The following SETD5 variants were observed in gnomAD, a reference collection of about 807,000 sequenced individuals.
SETD5 encodes histone-lysine N-methyltransferase SETD5.
Under a neutral mutation model 153.3 loss-of-function variants are expected in SETD5, and 44 were observed. The ratio of observed to expected loss-of-function variants is 0.29; its 90% CI spans 0.23 to 0.37. SETD5 has a LOEUF of 0.37. Ranked by LOEUF, SETD5 falls within the 10% of genes least tolerant of loss-of-function variation. The pLI, the probability that SETD5 is intolerant of heterozygous loss-of-function variation, is 1.00. For synonymous variants in SETD5, 716 were observed against 645.2 expected (o/e 1.11, Z -1.66); for missense variants, 1,544 against 1,768.0 (o/e 0.87, Z 2.27).
chr3:9,448,592 C>T lies in SETD5; in HGVS notation c.2308C>T (p.Pro770Ser), dbSNP rs2042274715. Residue 770 changes from proline to serine, a missense_variant, in exon 16 of 23, where the codon CCC becomes TCC. Pro to Ser is a moderately conservative substitution (Grantham distance 74). Transcript: ENST00000402198. Reference sequence around the variant, plus strand: ...CTTTATCCCTGAGAGACGTCGAAGGCCCCTTCTGCCTGATGGCACATTCAG... The same window carrying T: ...CTTTATCCCTGAGAGACGTCGAAGGTCCCTTCTGCCTGATGGCACATTCAG... ...SPFIPERRRRPLLPDGTFSSC... is the reference protein window; with the variant it reads ...SPFIPERRRRSLLPDGTFSSC... 6.2e-7 allele frequency: 1 copy of T among 1,606,420 alleles called. No individual in the cohort carries two copies. The highest frequency in any genetic ancestry group is 8.5e-7 in the Non-Finnish European group (1 of 1,174,944).
intron 1 of SETD5, among the ~76,000 whole-genome samples, chr3:9,411,103 G>A (rs2036508477): frequency 1.3e-5 from 2 of 151,840 alleles, no homozygotes; most frequent in African/African-American, 2.4e-5. Context: ...TGTTCAGGCT[G>A]GTCTTGAACT....
intron 16 of SETD5, among the ~76,000 whole-genome samples, chr3:9,453,287 A>G (rs2042841281): frequency 6.6e-6 from 1 of 152,246 alleles, no homozygotes; most frequent in African/African-American, 2.4e-5. Flanking sequence ...CTTCCAATGA[A>G]TCTTTTTTAT....
Position 9,441,617 on chromosome 3 carries a change from G to T in SETD5, c.835G>T (p.Val279Phe), listed in dbSNP as rs770282824. 6.2e-7 allele frequency: 1 copy of T among 1,613,972 alleles called. No homozygotes were observed. Among genetic ancestry groups the T allele is most frequent in the Non-Finnish European group, 8.5e-7 (1 of 1,179,850 alleles). ...GTTACAGCTGGGAAGAGTCACTCGT[G>T]TTCAAAAGCACCGGAAGATCCTGAG... The part of the protein sequence containing the change: ...MQLQLGRVTR[V>F]QKHRKILRAA... Residue 279 changes from valine (V) to phenylalanine (F), a missense_variant, in exon 9 of 23, where the codon GTT (valine) becomes TTT (phenylalanine). Physicochemically the swap from Val to Phe is conservative, Grantham distance 50. This residue lies in a region of SETD5 where 30 missense variants were observed against 66.0 expected (regional missense o/e 0.45). Transcript: ENST00000402198.
At chr3:9,438,289 T>A (rs894578381) in intron 7 of SETD5, among the ~76,000 whole-genome samples, 19 of 152,170 alleles carry the variant, frequency 1.2e-4, no homozygotes, top group African/African-American at 3.9e-4. Flanking sequence ...GCTTCCCCTT[T>A]ATTTTTGTCT....
At chr3:9,413,649 GGT>G (rs1160123997) in intron 1 of SETD5, among the ~76,000 whole-genome samples, 56,806 of 140,180 alleles carry the variant, frequency 0.41, 11,230 homozygotes, top group South Asian at 0.53. Context: ...GGGGAGGCGG[GGT>G]GTGTGTGTGT....
chr3:9,469,279 A>G (rs886752785), intron 18 of SETD5, among the ~76,000 whole-genome samples: 37 of 152,290 alleles, frequency 2.4e-4, no homozygotes, highest in African/African-American at 8.4e-4. Context: ...ACTGCTGTGG[A>G]TATGTCAAAC....
intron 20 of SETD5, 92 bp from the exon 21 acceptor site, chr3:9,474,357 A>T (rs1030592685): frequency 7.2e-6 from 10 of 1,392,104 alleles, no homozygotes; most frequent in Non-Finnish European, 9.7e-6. Flanking sequence ...GTTTAAGAGG[A>T]TGTTTTAAGA....
At chr3:9,424,933 A>G (rs919472866) in intron 2 of SETD5, among the ~76,000 whole-genome samples, 2 of 152,154 alleles carry the variant, frequency 1.3e-5, no homozygotes, top group Non-Finnish European at 2.9e-5. Context: ...TTAGAATGAG[A>G]TGGTCAAGCT....
chr3:9,442,371 A>G, intron 10 of SETD5, 126 bp downstream of exon 10: 1 of 707,742 alleles, frequency 1.4e-6, no homozygotes, highest in South Asian at 1.8e-5. Context: ...TCATCGTGGG[A>G]GGTGAAAAAC....
chr3:9,456,969 C>T (rs1028872247), intron 17 of SETD5, among the ~76,000 whole-genome samples: 8 of 148,350 alleles, frequency 5.4e-5, no homozygotes, highest in Middle Eastern at 3.5e-3. Flanking sequence ...AGTGAGACTC[C>T]GTCTCAAAAA....
At chr3:9,462,995 TAA>T (rs1451131901) in intron 17 of SETD5, among the ~76,000 whole-genome samples, 3 of 151,994 alleles carry the variant, frequency 2.0e-5, no homozygotes, top group Non-Finnish European at 4.4e-5. Context: ...ATGCTAATAC[TAA>T]TGTGTTCACT....
At chr3:9,459,698 G>A (rs540452590) in intron 17 of SETD5, among the ~76,000 whole-genome samples, 7 of 138,394 alleles carry the variant, frequency 5.1e-5, no homozygotes, top group Admixed American at 4.5e-4. Flanking sequence ...CAGCCTGGGC[G>A]ACAGCGAGAC....
At chr3:9,447,545 T>C (rs2042159953) in intron 14 of SETD5, 141 bp from the exon 15 acceptor site, 1 of 1,122,712 alleles carries the variant, frequency 8.9e-7, no homozygotes, top group Non-Finnish European at 1.2e-6. Flanking sequence ...TTTTTGTATT[T>C]AAAAATTAGA....
intron 17 of SETD5, among the ~76,000 whole-genome samples, chr3:9,458,849 A>C (rs1450848180): frequency 1.3e-5 from 2 of 152,192 alleles, no homozygotes; most frequent in Non-Finnish European, 2.9e-5. Context: ...TAGACAAAGA[A>C]ACCAAAATTT....
At chr3:9,406,521 T>C (rs930941338) in intron 1 of SETD5, among the ~76,000 whole-genome samples, 6 of 149,822 alleles carry the variant, frequency 4.0e-5, no homozygotes, top group Non-Finnish European at 7.4e-5. Flanking sequence ...GGCAGGAGAA[T>C]GGCGTGAACC....
chr3:9,399,827 CA>C (rs33940536), intron 1 of SETD5, among the ~76,000 whole-genome samples: 98,107 of 128,594 alleles, frequency 0.76, 36,667 homozygotes, highest in East Asian at 0.97. Context: ...AGCACTGGTC[CA>C]AAAAAAAAAA....
At chr3:9,444,907 A>G in intron 11 of SETD5, 141 bp from the exon 12 acceptor site, 1 of 1,111,112 alleles carries the variant, frequency 9.0e-7, no homozygotes, top group Non-Finnish European at 1.3e-6. Flanking sequence ...TATTTATAGG[A>G]CTCTCTAATG....
In SETD5 at chr3:9,445,182, G is replaced by A. The variant is rs771885656; in HGVS notation, c.1322G>A (p.Arg441His). 4 of 1,613,878 alleles carry A rather than the reference G, an allele frequency of 2.5e-6. No homozygotes were observed. Among genetic ancestry groups the A allele is most frequent in the Admixed American group, 3.3e-5 (2 of 60,000 alleles). ...SLPTIGAETRRRKARRKELEM... is the reference protein window; with the variant it reads ...SLPTIGAETRHRKARRKELEM... The stretch of plus-strand genomic sequence containing the variant: ...CCCACCATTGGAGCAGAGACTAGAC[G>A]TAGAAAAGCACGACGGAAAGAGCTA... Residue 441 changes from arginine (R) to histidine (H), a missense_variant, in exon 12 of 23, where the codon CGT becomes CAT. By Grantham distance (29) the Arg-to-His change is conservative. Coordinates refer to ENST00000402198, the MANE Select transcript of SETD5 (RefSeq NM_001080517.3).
intron 1 of SETD5, among the ~76,000 whole-genome samples, chr3:9,420,089 T>C (rs758527606): frequency 1.4e-4 from 22 of 152,198 alleles, no homozygotes; most frequent in Admixed American, 4.6e-4. Context: ...TACTTAGAAG[T>C]CTAAAATCTT....
Sources: gnomAD v4.1 joint callset for allele counts (sites outside exome capture counted in the v4.1 genomes callset) on GRCh38, gnomAD v4.1.1 for gene constraint, gnomAD v4.1.1 regional missense constraint, MANE v1.5 for transcripts, NCBI Gene and HGNC (gene_info 2026-07-23, HGNC 2026-07-21) for gene names.